CAB39L: variants seen among roughly 807,000 people sequenced by gnomAD.
The protein encoded by CAB39L is calcium binding protein 39 like.
A neutral mutation model predicts 39.1 loss-of-function variants in CAB39L; 23 were observed. The observed-to-expected ratio is 0.59, with a 90% CI of 0.42 to 0.83. The LOEUF (loss-of-function observed/expected upper bound fraction) is 0.83. Ranked by LOEUF, CAB39L falls within the 40% of genes least tolerant of loss-of-function variation. CAB39L has a pLI of 0.00. For missense variants in CAB39L, 366 were observed against 391.9 expected (o/e 0.93, Z 0.56); for synonymous variants, 126 against 137.2 (o/e 0.92, Z 0.57).
Position 49,331,988 on chromosome 13 carries a change from T to G in CAB39L, c.793A>C (p.Lys265Gln). 2 of 1,614,180 alleles carry G rather than the reference T, an allele frequency of 1.2e-6. No homozygotes were observed. Among genetic ancestry groups the G allele is most frequent in the East Asian group, 2.2e-5 (1 of 44,880 alleles). The change falls in exon 10 of 11, where the codon AAA (lysine) becomes CAA (glutamine). Residue 265 changes from lysine to glutamine, a missense_variant. By Grantham distance (53) the Lys-to-Gln change is moderately conservative. Coordinates refer to ENST00000409308, the MANE Select transcript of CAB39L (RefSeq NM_001079670.3). ...GCTTCAAACTGGATGTTGGGACTTTTATCCCGAAGGAGGTTCATCATGAGT... is the reference window on the plus strand; with the variant it reads ...GCTTCAAACTGGATGTTGGGACTTTGATCCCGAAGGAGGTTCATCATGAGT... ...LKLMMNLLRD[K>Q]SPNIQFEAFH...
At chr13:49,324,552 A>G (rs1954444893) in intron 10 of CAB39L, among the ~76,000 whole-genome samples, 1 of 152,224 alleles carries the variant, frequency 6.6e-6, no homozygotes. Flanking sequence ...CGAATTTACC[A>G]GCCTCAGTTC....
At chr13:49,311,778 A>G (rs1953997453) in intron 10 of CAB39L, among the ~76,000 whole-genome samples, 1 of 152,264 alleles carries the variant, frequency 6.6e-6, no homozygotes, top group African/African-American at 2.4e-5. Context: ...GTACAGCTGT[A>G]TAATGTGTTT....
chr13:49,361,206 G>A (rs545641964), intron 5 of CAB39L, among the ~76,000 whole-genome samples: 6 of 152,200 alleles, frequency 3.9e-5, no homozygotes, highest in Middle Eastern at 6.8e-3. Flanking sequence ...AAGGCCAGGC[G>A]CAGTGGCTCA....
intron 10 of CAB39L, among the ~76,000 whole-genome samples, chr13:49,320,797 T>G (rs999693927): frequency 2.6e-5 from 4 of 152,246 alleles, no homozygotes; most frequent in African/African-American, 9.6e-5. Context: ...TTAGAATATT[T>G]TGACACAATA....
chr13:49,311,562 G>A (rs1034797155), intron 10 of CAB39L, among the ~76,000 whole-genome samples: 4 of 152,184 alleles, frequency 2.6e-5, no homozygotes, highest in Admixed American at 2.6e-4. Flanking sequence ...ACCTCCATGG[G>A]TGTTATGGCC....
rs1222076257 is a variant in CAB39L, at chr13:49,332,241, CA to C, written c.691-152del. 10 of 859,814 alleles carry C rather than the reference CA, an allele frequency of 1.2e-5. No homozygotes were observed. The African/African-American group carries it at 1.7e-4, about 15-fold the overall frequency. The allele number at this position is 859,814 out of a possible 1,614,324, so 53.3% of individuals were successfully genotyped here. On this transcript the variant is annotated intron_variant, in intron 9 of 10. Coordinates refer to ENST00000409308, the MANE Select transcript of CAB39L (RefSeq NM_001079670.3). ...GTGTCCTTAAGTGCATCTCAAAGCA[CA>C]GGCATAAAAGCAATAGTTATTGAGC... is the stretch of plus-strand genomic sequence containing the variant.
chr13:49,372,387 C>A (rs1955943728), intron 5 of CAB39L, among the ~76,000 whole-genome samples: 1 of 152,170 alleles, frequency 6.6e-6, no homozygotes. Flanking sequence ...ATAGCCGGAT[C>A]CTCCAGTATT....
chr13:49,417,820 A>T (rs1173959623), intron 3 of CAB39L, among the ~76,000 whole-genome samples: 1 of 152,128 alleles, frequency 6.6e-6, no homozygotes, highest in Admixed American at 6.5e-5. Context: ...AATCTGAGTT[A>T]AAAAAAACCC....
intron 5 of CAB39L, among the ~76,000 whole-genome samples, chr13:49,362,592 C>T (rs985308819): frequency 2.3e-4 from 35 of 151,142 alleles, no homozygotes; most frequent in South Asian, 1.7e-3. Context: ...AGAATGCCTA[C>T]GAGATCTAGG....
At chr13:49,357,826 T>C (rs1487250926) in intron 6 of CAB39L, among the ~76,000 whole-genome samples, 1 of 152,194 alleles carries the variant, frequency 6.6e-6, no homozygotes, top group Non-Finnish European at 1.5e-5. Flanking sequence ...AGAATGACAT[T>C]CAAACTCCCT....
chr13:49,316,979 G>A (rs886946140), intron 10 of CAB39L, among the ~76,000 whole-genome samples: 17 of 152,124 alleles, frequency 1.1e-4, no homozygotes, highest in Admixed American at 1.0e-3. Flanking sequence ...CCAGAAGCTG[G>A]GAGAGAAGCA....
chr13:49,346,373 TCCTAC>T (rs1955178988), intron 7 of CAB39L, among the ~76,000 whole-genome samples: 1 of 139,968 alleles, frequency 7.1e-6, no homozygotes, highest in African/African-American at 2.6e-5. Context: ...ACAGCTAGGA[TCCTAC>T]CCAAGAAGGA....
At chr13:49,379,876 C>G (rs1331344861) in intron 4 of CAB39L, among the ~76,000 whole-genome samples, 1 of 146,212 alleles carries the variant, frequency 6.8e-6, no homozygotes, top group African/African-American at 2.5e-5. Flanking sequence ...GAGTCTTGCT[C>G]TGTTGCCCAG....
At chr13:49,368,993 A>T (rs951721174) in intron 5 of CAB39L, among the ~76,000 whole-genome samples, 2 of 152,180 alleles carry the variant, frequency 1.3e-5, no homozygotes, top group Admixed American at 6.5e-5. Context: ...CTCAAAATTC[A>T]GCAACGAAAT....
At chr13:49,411,376 C>T (rs1280635202) in intron 3 of CAB39L, among the ~76,000 whole-genome samples, 2 of 148,854 alleles carry the variant, frequency 1.3e-5, no homozygotes, top group African/African-American at 2.5e-5. Context: ...CGTCACTGCA[C>T]TCCAGCCTGG....
Position 49,313,412 on chromosome 13 carries a change from C to T in CAB39L, c.835-2419G>A, listed in dbSNP as rs990805498. On this transcript the variant is annotated intron_variant, in intron 10 of 10. Transcript: ENST00000409308. The stretch of plus-strand genomic sequence containing the variant: ...AGGAGAATGGCGTGAACCCAGGAGG[C>T]GAAGCTTGCAGTGAGCTGAGATCGC... Among the ~76,000 whole-genome samples the T allele has an allele frequency of 1.3e-4, 19 of 150,968 alleles. 1 individual carries two copies. The East Asian group carries it at 3.1e-3, about 25-fold the overall frequency.
chr13:49,349,862 G>A (rs1190466298), intron 7 of CAB39L, among the ~76,000 whole-genome samples: 2 of 152,128 alleles, frequency 1.3e-5, no homozygotes, highest in African/African-American at 4.8e-5. Flanking sequence ...AGGATCATAA[G>A]CCTAAGTAAC....
chr13:49,332,258 G>A (rs937569873), intron 9 of CAB39L, among the ~76,000 whole-genome samples, 168 bp from the exon 10 acceptor site: 2 of 152,216 alleles, frequency 1.3e-5, no homozygotes, highest in African/African-American at 2.4e-5. Context: ...AAAAGCAATA[G>A]TTATTGAGCA....
chr13:49,321,985 G>A (rs1954357895), intron 10 of CAB39L, among the ~76,000 whole-genome samples: 1 of 152,152 alleles, frequency 6.6e-6, no homozygotes, highest in African/African-American at 2.4e-5. Flanking sequence ...CTTAAAAACA[G>A]CTTTATTAAA....
Sources: gnomAD v4.1 joint callset for allele counts (sites outside exome capture counted in the v4.1 genomes callset) on GRCh38, gnomAD v4.1.1 for gene constraint, MANE v1.5 for transcripts, NCBI Gene and HGNC (gene_info 2026-07-23, HGNC 2026-07-21) for gene names.